The following GNG2 variants were observed in gnomAD, a reference collection of about 807,000 sequenced individuals.
GNG2 encodes the protein G protein subunit gamma 2.
GNG2 carries 5 observed loss-of-function variants against 5.5 expected under a neutral mutation model. That is an observed-to-expected ratio of 0.91 (90% CI 0.48 to 1.92). GNG2 has a LOEUF of 1.92. Ranked by LOEUF, GNG2 falls within the 30% of genes most tolerant of loss-of-function variation. The pLI is 0.01. For synonymous variants in GNG2, 28 were observed against 32.0 expected, an observed-to-expected ratio of 0.88 and a Z score of 0.42; for missense variants, 55 against 88.4, an observed-to-expected ratio of 0.62 and a Z score of 1.52.
chr14:51,934,150 C>A (rs1362245087), intron 2 of GNG2, among the ~76,000 whole-genome samples: 1 of 152,048 alleles, frequency 6.6e-6, no homozygotes, highest in Non-Finnish European at 1.5e-5. Context: ...GCCACGGACT[C>A]CAGGCCTGGT....
chr14:51,873,954 A>ACC (rs1883472941), intron 1 of GNG2: 1 of 152,192 alleles, frequency 6.6e-6, no homozygotes, highest in African/African-American at 2.4e-5. Flanking sequence ...CAGGGAGGTT[A>ACC]TGTGAGCTCT....
intron 1 of GNG2, among the ~76,000 whole-genome samples, chr14:51,870,735 G>A (rs1214975635): frequency 1.3e-5 from 2 of 152,208 alleles, no homozygotes; most frequent in African/African-American, 4.8e-5. Context: ...AGCATATACA[G>A]TTCCATTACT....
chr14:51,949,387 G>A (rs906016733), intron 2 of GNG2, among the ~76,000 whole-genome samples: 2 of 151,986 alleles, frequency 1.3e-5, no homozygotes, highest in African/African-American at 4.8e-5. Context: ...TTAGTTGGTA[G>A]GTTAAAAAAA....
chr14:51,908,859 A>G, intron 2 of GNG2, among the ~76,000 whole-genome samples: 1 of 149,308 alleles, frequency 6.7e-6, no homozygotes, highest in Non-Finnish European at 1.5e-5. Flanking sequence ...ATTTTAAGGC[A>G]TGAGCCACCG....
chr14:51,959,664 G>A (rs912138189), intron 3 of GNG2, among the ~76,000 whole-genome samples: 5 of 109,594 alleles, frequency 4.6e-5, no homozygotes, highest in Admixed American at 9.2e-5. Flanking sequence ...TGAGTGCTTC[G>A]TTAGAATGTA....
intron 1 of GNG2, among the ~76,000 whole-genome samples, chr14:51,876,380 G>A (rs936093176): frequency 6.6e-6 from 1 of 152,068 alleles, no homozygotes; most frequent in African/African-American, 2.4e-5. Flanking sequence ...GTTTGTTTTG[G>A]TTAAAGTCAT....
chr14:51,883,391 C>CA (rs2140144885), intron 2 of GNG2, among the ~76,000 whole-genome samples: 1 of 152,336 alleles, frequency 6.6e-6, no homozygotes, highest in African/African-American at 2.4e-5. Flanking sequence ...TTAGCTTTGG[C>CA]ATATGCTGCC....
chr14:51,966,025 G>A (rs1410124898), intron 3 of GNG2, among the ~76,000 whole-genome samples: 4 of 151,434 alleles, frequency 2.6e-5, no homozygotes, highest in South Asian at 2.1e-4. Context: ...CCTGGCCAAC[G>A]TGGTGAAACC....
intron 2 of GNG2, among the ~76,000 whole-genome samples, chr14:51,906,759 T>C (rs1213300822): frequency 7.3e-6 from 1 of 136,966 alleles, no homozygotes; most frequent in Admixed American, 7.4e-5. Flanking sequence ...GAGAATCTCT[T>C]TTTTTTTTTT....
At chr14:51,912,008 C>T (rs1394296690) in intron 2 of GNG2, among the ~76,000 whole-genome samples, 1 of 148,152 alleles carries the variant, frequency 6.7e-6, no homozygotes, top group Non-Finnish European at 1.5e-5. Flanking sequence ...ATATTATTTA[C>T]TCTTCACAAG....
At chr14:51,843,575 G>GT (rs1881544258) in intron 2 of GNG2, among the ~76,000 whole-genome samples, 2 of 21,424 alleles carry the variant, frequency 9.3e-5, no homozygotes, top group East Asian at 8.8e-3. Context: ...AGAACTTAAA[G>GT]TTAAAAAAAA....
At chr14:51,950,269 T>C (rs1178674059) in intron 2 of GNG2, among the ~76,000 whole-genome samples, 2 of 152,152 alleles carry the variant, frequency 1.3e-5, no homozygotes, top group Non-Finnish European at 2.9e-5. Flanking sequence ...GGAATGGCTA[T>C]TTACAGCAAT....
At chr14:51,902,561 C>T (rs112411959) in intron 2 of GNG2, among the ~76,000 whole-genome samples, 8 of 152,128 alleles carry the variant, frequency 5.3e-5, no homozygotes, top group African/African-American at 1.7e-4. Flanking sequence ...CAAACGAAAA[C>T]AAAAATGAGA....
intron 2 of GNG2, among the ~76,000 whole-genome samples, chr14:51,947,169 C>A (rs1888692554): frequency 6.6e-6 from 1 of 152,156 alleles, no homozygotes; most frequent in African/African-American, 2.4e-5. Flanking sequence ...TTCCCACCTC[C>A]CTACTTCCCT....
intron 2 of GNG2, among the ~76,000 whole-genome samples, chr14:51,837,664 T>C (rs1222342655): frequency 6.9e-6 from 1 of 145,820 alleles, no homozygotes; most frequent in African/African-American, 2.5e-5. Flanking sequence ...AAAAAAAAAG[T>C]ATGACTCATT....
chr14:51,906,711 C>T (rs1885941153), intron 2 of GNG2, among the ~76,000 whole-genome samples: 1 of 149,618 alleles, frequency 6.7e-6, no homozygotes, highest in African/African-American at 2.5e-5. Flanking sequence ...GAAAATAGAA[C>T]ATATGTGTGT....
intron 1 of GNG2, among the ~76,000 whole-genome samples, chr14:51,871,001 G>C (rs1250656847): frequency 6.6e-6 from 1 of 152,282 alleles, no homozygotes; most frequent in South Asian, 2.1e-4. Context: ...AGGAAAGTAA[G>C]TTAATTCTAG....
chr14:51,879,180 A>C (rs1246230347), intron 2 of GNG2, among the ~76,000 whole-genome samples: 1 of 152,228 alleles, frequency 6.6e-6, no homozygotes, highest in South Asian at 2.1e-4. Flanking sequence ...CTTCATACAA[A>C]ATCAGTGGTT....
Position 51,945,630 on chromosome 14 carries a change from C to T in GNG2, c.-29-5020C>T, listed in dbSNP as rs78332576. On this transcript the variant is annotated intron_variant, in intron 2 of 3. Coordinates refer to ENST00000556766, the MANE Select transcript of GNG2 (RefSeq NM_053064.5). ...GTGGTGATGATTGCACAACAGTATA[C>T]GTGTATTTAATACCACTGAACTATA... is the stretch of plus-strand genomic sequence containing the variant. 8.6e-3 allele frequency among the ~76,000 whole-genome samples: 1,311 copies of T among 152,130 alleles called. 10 individuals carry two copies. The highest frequency in any genetic ancestry group is 0.012 in the Non-Finnish European group (847 of 67,978).
Sources: allele counts gnomAD v4.1 joint callset (sites outside exome capture counted in the v4.1 genomes callset), GRCh38; gene constraint gnomAD v4.1.1; transcripts MANE v1.5; gene names NCBI Gene and HGNC (gene_info 2026-07-23, HGNC 2026-07-21).